Variants in TMEM132C observed in about 807,000 individuals in gnomAD.
The protein encoded by TMEM132C is protein phosphatase 1, regulatory subunit 152.
In TMEM132C, 29 loss-of-function variants were observed where a neutral mutation model predicts 61.4. That is an observed-to-expected ratio of 0.47 (90% CI 0.35 to 0.64). The LOEUF is 0.64. Among genes scored for constraint, TMEM132C ranks in the 30% least tolerant of loss-of-function variants. The probability of loss-of-function intolerance (pLI) is 0.00; values close to 1 mark genes in which losing one functional copy is unlikely to be tolerated. For missense variants in TMEM132C, 1,408 were observed against 1,476.9 expected, an observed-to-expected ratio of 0.95 and a Z score of 0.76; for synonymous variants, 656 against 633.1, an observed-to-expected ratio of 1.04 and a Z score of -0.54.
intron 1 of TMEM132C, among the ~76,000 whole-genome samples, chr12:128,320,579 A>G (rs1872298258): frequency 6.6e-6 from 1 of 152,118 alleles, no homozygotes; most frequent in Non-Finnish European, 1.5e-5. Context: ...CAGCCTGGGA[A>G]ATATGGTAAG....
chr12:128,597,500 G>A (rs28692175), intron 3 of TMEM132C, among the ~76,000 whole-genome samples: 2 of 5,374 alleles, frequency 3.7e-4, no homozygotes, highest in African/African-American at 4.0e-4. Flanking sequence ...AAGGAAAGAA[G>A]GAAGGAAGGA....
chr12:128,441,792 C>T (rs902762937), intron 2 of TMEM132C, among the ~76,000 whole-genome samples: 4 of 152,030 alleles, frequency 2.6e-5, no homozygotes, highest in African/African-American at 9.7e-5. Flanking sequence ...GTCAGGAGTT[C>T]GAGACCAGCT....
At chr12:128,340,460 A>G (rs1256586294) in intron 1 of TMEM132C, among the ~76,000 whole-genome samples, 1 of 152,190 alleles carries the variant, frequency 6.6e-6, no homozygotes, top group Non-Finnish European at 1.5e-5. Flanking sequence ...TTACAAATTC[A>G]TAAGGAAATA....
At chr12:128,472,805 G>A (rs1242585717) in intron 2 of TMEM132C, among the ~76,000 whole-genome samples, 3 of 152,140 alleles carry the variant, frequency 2.0e-5, no homozygotes, top group Non-Finnish European at 2.9e-5. Flanking sequence ...CATCCCATTT[G>A]CTGTTAGTTA....
At chr12:128,455,643 A>G (rs967842603) in intron 2 of TMEM132C, among the ~76,000 whole-genome samples, 2 of 152,242 alleles carry the variant, frequency 1.3e-5, no homozygotes, top group Non-Finnish European at 2.9e-5. Context: ...GAAACATATT[A>G]TAATAGAAAC....
intron 1 of TMEM132C, among the ~76,000 whole-genome samples, chr12:128,304,089 G>T (rs78992308): frequency 6.6e-6 from 1 of 152,112 alleles, no homozygotes; most frequent in Non-Finnish European, 1.5e-5. Context: ...GATTTGTTAC[G>T]TAACAGCTGA....
In TMEM132C at chr12:128,609,169, ACCCCCAC is replaced by A. The variant is rs1876533354; in HGVS notation, c.1122-6981_1122-6975del. Among the ~76,000 whole-genome samples, 33 of 108,660 alleles carry A rather than the reference ACCCCCAC, an allele frequency of 3.0e-4. 1 individual carries two copies. Among genetic ancestry groups the A allele is most frequent in the South Asian group, 1.1e-3 (3 of 2,678 alleles). The allele number at this position is 108,660 out of a possible 152,430, so 71.3% of individuals were successfully genotyped here. ...ACCCCCGCCTCCCTGCAACACTGTA[ACCCCCAC>A]CTCCCTGCAACCCTGTAACCCCCAC... is the stretch of plus-strand genomic sequence containing the variant. On this transcript the variant is annotated intron_variant, in intron 3 of 8. Transcript: ENST00000435159.
intron 1 of TMEM132C, among the ~76,000 whole-genome samples, chr12:128,399,446 C>T (rs1026414087): frequency 5.3e-5 from 8 of 152,178 alleles, no homozygotes; most frequent in African/African-American, 1.7e-4. Context: ...AAACCATATG[C>T]TATGTGAGCA....
intron 3 of TMEM132C, among the ~76,000 whole-genome samples, chr12:128,597,123 CA>C (rs1406810478): frequency 3.9e-5 from 6 of 152,116 alleles, no homozygotes; most frequent in Non-Finnish European, 7.4e-5. Flanking sequence ...TACCCTTCTG[CA>C]ATGTTGCCAG....
intron 2 of TMEM132C, among the ~76,000 whole-genome samples, chr12:128,432,046 T>C (rs1050917710): frequency 5.9e-5 from 9 of 152,224 alleles, no homozygotes; most frequent in African/African-American, 1.7e-4. Context: ...CATTTGTTTA[T>C]AGGACGGCTT....
At position 128,569,016 on chromosome 12, in the gene TMEM132C, AGAGAG is replaced by A. The variant is rs149075797; in HGVS notation, c.1121+24921_1121+24925del. On this transcript the variant is annotated intron_variant, in intron 3 of 8. Transcript: ENST00000435159. ...CCTGCTCTCTCATGGCTTTTAATCT[AGAGAG>A]GAGAGGACACAGGTAGACATGTGAC... Among the ~76,000 whole-genome samples the A allele has an allele frequency of 1.7e-4, 26 of 152,292 alleles. No homozygotes were observed. In the East Asian group the frequency reaches 4.6e-3, roughly 27 times the overall value.
At position 128,705,732 on chromosome 12, in the gene TMEM132C, G is replaced by C. The variant is rs1292251157; in HGVS notation, c.2764G>C (p.Asp922His). Reference sequence around the variant, plus strand: ...GGTGCAGACTCCGCGGGGCCTGAGTGATCTGGAGATAGGGATGTACGCCCT... The same window carrying C: ...GGTGCAGACTCCGCGGGGCCTGAGTCATCTGGAGATAGGGATGTACGCCCT... Reference protein sequence around the residue: ...DLVQTPRGLSDLEIGMYALLG... With the variant: ...DLVQTPRGLSHLEIGMYALLG... The change falls in exon 9 of 9, where the codon GAT (aspartate) becomes CAT (histidine). Residue 922 changes from aspartate (D) to histidine (H), a missense_variant. Transcript: ENST00000435159. The C allele has an allele frequency of 1.3e-5, 20 of 1,551,360 alleles. No individual in the cohort carries two copies. Among genetic ancestry groups the C allele is most frequent in the Non-Finnish European group, 1.7e-5 (19 of 1,147,006 alleles).
intron 2 of TMEM132C, among the ~76,000 whole-genome samples, chr12:128,427,009 G>T: frequency 6.6e-6 from 1 of 152,144 alleles, no homozygotes; most frequent in East Asian, 1.9e-4. Context: ...AATTTGTGTG[G>T]AGGAGAGGCA....
At chr12:128,587,491 G>A (rs1304994329) in intron 3 of TMEM132C, among the ~76,000 whole-genome samples, 2 of 152,180 alleles carry the variant, frequency 1.3e-5, no homozygotes, top group African/African-American at 2.4e-5. Flanking sequence ...CAATCACCTC[G>A]GGGGCTTAGA....
chr12:128,607,177 GA>G (rs1220204716), intron 3 of TMEM132C, among the ~76,000 whole-genome samples: 2 of 152,182 alleles, frequency 1.3e-5, no homozygotes, highest in Non-Finnish European at 2.9e-5. Flanking sequence ...CCAGGCAGAG[GA>G]GGGAGCAAAG....
intron 8 of TMEM132C, among the ~76,000 whole-genome samples, chr12:128,700,692 C>T (rs1954797740): frequency 6.6e-6 from 1 of 152,136 alleles, no homozygotes; most frequent in African/African-American, 2.4e-5. Context: ...CATGTTCTCC[C>T]AAGCCTTGTT....
At chr12:128,446,509 T>C (rs958742493) in intron 2 of TMEM132C, among the ~76,000 whole-genome samples, 3 of 152,252 alleles carry the variant, frequency 2.0e-5, no homozygotes, top group African/African-American at 7.2e-5. Flanking sequence ...TCTCCCTTTT[T>C]CTCAAAGGCA....
intron 2 of TMEM132C, among the ~76,000 whole-genome samples, chr12:128,513,160 T>C (rs1284487079): frequency 1.3e-5 from 2 of 152,022 alleles, no homozygotes; most frequent in Non-Finnish European, 2.9e-5. Context: ...GGGGACATGA[T>C]ACAGAGATCT....
intron 2 of TMEM132C, among the ~76,000 whole-genome samples, chr12:128,475,070 C>A (rs1465816409): frequency 2.6e-5 from 4 of 152,138 alleles, no homozygotes; most frequent in Admixed American, 2.0e-4. Context: ...GATGTGGCAA[C>A]AATTCTGCAG....
Sources: allele counts gnomAD v4.1 joint callset (sites outside exome capture counted in the v4.1 genomes callset), GRCh38; gene constraint gnomAD v4.1.1; transcripts MANE v1.5; gene names NCBI Gene and HGNC (gene_info 2026-07-23, HGNC 2026-07-21).